The following CAB39L variants were observed in gnomAD, a reference collection of about 807,000 sequenced individuals.
CAB39L encodes the protein calcium binding protein 39 like, also known as calcium-binding protein 39-like.
Under a neutral mutation model 39.1 loss-of-function variants are expected in CAB39L, and 23 were observed. The ratio of observed to expected loss-of-function variants is 0.59; its 90% CI spans 0.42 to 0.83. CAB39L has a LOEUF of 0.83. Among genes scored for constraint, CAB39L ranks in the 40% least tolerant of loss-of-function variants. CAB39L has a pLI of 0.00. For missense variants in CAB39L, 366 were observed against 391.9 expected (o/e 0.93, Z 0.56); for synonymous variants, 126 against 137.2 (o/e 0.92, Z 0.57).
chr13:49,334,322 G>T lies in CAB39L; in HGVS notation c.691-2232C>A, dbSNP rs542490452. On this transcript the variant is annotated intron_variant, in intron 9 of 10. Transcript: ENST00000409308. ...GAACGAATAAACAAGCAAATTCCTAGATTCCCATAGATTTAGAAAAAAGTA... is the reference window on the plus strand; with the variant it reads ...GAACGAATAAACAAGCAAATTCCTATATTCCCATAGATTTAGAAAAAAGTA... 3.9e-5 allele frequency among the ~76,000 whole-genome samples: 6 copies of T among 152,248 alleles called. No homozygotes were observed. In the South Asian group the frequency reaches 1.0e-3, roughly 26 times the overall value.
chr13:49,337,850 T>A (rs997633298), intron 9 of CAB39L, among the ~76,000 whole-genome samples: 2 of 152,070 alleles, frequency 1.3e-5, no homozygotes, highest in African/African-American at 4.8e-5. Flanking sequence ...ATCTGAAAAC[T>A]ATGTATTTAT....
rs1954711231 is a variant in CAB39L, at chr13:49,331,954, A to C, written c.827T>G (p.Val276Gly). The stretch of plus-strand genomic sequence containing the variant: ...AGAGCTTGTACTTTTTACCTTAAAA[A>C]CATGAAAGGCTTCAAACTGGATGTT... ...SPNIQFEAFH[V>G]FKVFVASPHK... The change falls in exon 10 of 11, where the codon GTT (valine) becomes GGT (glycine). Residue 276 changes from valine to glycine, a missense_variant. Physicochemically the swap from Val to Gly is moderately radical, Grantham distance 109 (BLOSUM62 -3). Transcript: ENST00000409308. The C allele has an allele frequency of 6.2e-7, 1 of 1,613,926 alleles. No individual in the cohort carries two copies. Among genetic ancestry groups the C allele is most frequent in the African/African-American group, 1.3e-5 (1 of 74,920 alleles).
chr13:49,424,053 G>A (rs1395399582), intron 3 of CAB39L, among the ~76,000 whole-genome samples: 6 of 152,194 alleles, frequency 3.9e-5, no homozygotes, highest in African/African-American at 1.2e-4. Flanking sequence ...ATAAACGGGA[G>A]AGAAGAGACA....
At chr13:49,339,901 T>C (rs1435535430) in intron 8 of CAB39L, among the ~76,000 whole-genome samples, 159 bp from the exon 9 acceptor site, 1 of 152,222 alleles carries the variant, frequency 6.6e-6, no homozygotes, top group African/African-American at 2.4e-5. Flanking sequence ...GGTCAAGAAT[T>C]ACAAGAGACA....
chr13:49,385,173 C>T (rs1956330910), intron 3 of CAB39L, among the ~76,000 whole-genome samples: 1 of 152,260 alleles, frequency 6.6e-6, no homozygotes, highest in South Asian at 2.1e-4. Context: ...GGATAACTTG[C>T]TGCAGCTTCT....
At chr13:49,436,762 CTT>C (rs1292521920) in intron 1 of CAB39L, among the ~76,000 whole-genome samples, 1 of 151,894 alleles carries the variant, frequency 6.6e-6, no homozygotes, top group Non-Finnish European at 1.5e-5. Context: ...ATATCTTCCT[CTT>C]TTTGTCCATT....
intron 4 of CAB39L, among the ~76,000 whole-genome samples, chr13:49,381,762 T>G (rs1956257467): frequency 6.6e-6 from 1 of 152,250 alleles, no homozygotes; most frequent in Non-Finnish European, 1.5e-5. Flanking sequence ...TTGGTTCTAC[T>G]GTTCAAGGAC....
chr13:49,434,244 C>A (rs145082356), intron 1 of CAB39L, 21 bp from the exon 2 acceptor site: 2 of 446,274 alleles, frequency 4.5e-6, no homozygotes, highest in Admixed American at 4.9e-5. Flanking sequence ...GTAGGAAAAA[C>A]AGCACAGGCT....
chr13:49,328,310 T>C (rs989088440), intron 10 of CAB39L, among the ~76,000 whole-genome samples: 1 of 152,226 alleles, frequency 6.6e-6, no homozygotes, highest in East Asian at 1.9e-4. Flanking sequence ...TGGTATCTCA[T>C]TGATATTTTA....
intron 5 of CAB39L, among the ~76,000 whole-genome samples, chr13:49,366,640 A>AAC: frequency 6.7e-6 from 1 of 150,262 alleles, no homozygotes; most frequent in African/African-American, 2.4e-5. Flanking sequence ...AAAAAAAAAA[A>AAC]AAAAAAAAAC....
At chr13:49,354,751 C>T (rs561063077) in intron 6 of CAB39L, among the ~76,000 whole-genome samples, 65 of 152,134 alleles carry the variant, frequency 4.3e-4, no homozygotes, top group Non-Finnish European at 8.1e-4. Flanking sequence ...ACTATCTAGG[C>T]ATGCCCATCA....
chr13:49,313,570 A>G (rs2138324580), intron 10 of CAB39L, among the ~76,000 whole-genome samples: 1 of 152,088 alleles, frequency 6.6e-6, no homozygotes, highest in South Asian at 2.1e-4. Context: ...AGCATTCTGT[A>G]TTTCTATGAA....
At chr13:49,423,706 T>G (rs182703026) in intron 3 of CAB39L, among the ~76,000 whole-genome samples, 2 of 152,324 alleles carry the variant, frequency 1.3e-5, no homozygotes, top group East Asian at 3.9e-4. Flanking sequence ...ACGACAACCT[T>G]ATTAATGCAT....
intron 7 of CAB39L, among the ~76,000 whole-genome samples, chr13:49,349,623 A>T (rs1226596604): frequency 1.3e-5 from 2 of 151,940 alleles, no homozygotes; most frequent in African/African-American, 2.4e-5. Context: ...AGAAAATCAT[A>T]TCTATTTTAT....
intron 3 of CAB39L, among the ~76,000 whole-genome samples, chr13:49,432,215 T>C (rs1594099215): frequency 1.3e-5 from 2 of 152,094 alleles, no homozygotes; most frequent in Non-Finnish European, 2.9e-5. Flanking sequence ...AGTGCAGTGG[T>C]GTGACCATGG....
chr13:49,397,637 A>C (rs1390195225), intron 3 of CAB39L, among the ~76,000 whole-genome samples: 1 of 152,068 alleles, frequency 6.6e-6, no homozygotes, highest in Non-Finnish European at 1.5e-5. Context: ...AACTTTATTC[A>C]TTACGTTCAC....
At chr13:49,380,603 ATGTACTAAAAACCAATGAAT>A (rs1956233685) in intron 4 of CAB39L, among the ~76,000 whole-genome samples, 2 of 152,222 alleles carry the variant, frequency 1.3e-5, no homozygotes, top group Admixed American at 6.5e-5. Flanking sequence ...AACTTTGTGA[ATGTACTAAAAACCAATGAAT>A]TGTACACTTT....
chr13:49,314,041 G>A (rs1440794091), intron 10 of CAB39L, among the ~76,000 whole-genome samples: 2 of 152,288 alleles, frequency 1.3e-5, no homozygotes, highest in East Asian at 1.9e-4. Context: ...CTCATGGTGT[G>A]GGCGGCATGA....
chr13:49,347,754 A>C (rs1371477941), intron 7 of CAB39L, among the ~76,000 whole-genome samples: 2 of 152,044 alleles, frequency 1.3e-5, no homozygotes, highest in Non-Finnish European at 2.9e-5. Flanking sequence ...GGGGTGAGAA[A>C]CAGCCACTCC....
Sources: allele counts gnomAD v4.1 joint callset (sites outside exome capture counted in the v4.1 genomes callset), GRCh38; gene constraint gnomAD v4.1.1; transcripts MANE v1.5; gene names NCBI Gene and HGNC (gene_info 2026-07-23, HGNC 2026-07-21).